Variants in OPHN1 observed in about 807,000 individuals in gnomAD.
OPHN1 encodes the protein oligophrenin 1.
In OPHN1, 11 loss-of-function variants were observed where a neutral mutation model predicts 60.7. That is an observed-to-expected ratio of 0.18 (90% confidence interval 0.11 to 0.30). The LOEUF (loss-of-function observed/expected upper bound fraction) is 0.30, where lower values mean the gene tolerates loss of function less well. Among genes scored for constraint, OPHN1 ranks in the 10% least tolerant of loss-of-function variants. The pLI is 1.00. For missense variants in OPHN1, 449 were observed against 611.0 expected (o/e 0.73, Z 2.80); for synonymous variants, 226 against 222.6 (o/e 1.02, Z -0.14).
At chrX:68,251,720 T>C (rs1326922702) in intron 5 of OPHN1, among the ~76,000 whole-genome samples, 1 of 111,243 alleles carries the variant, frequency 9.0e-6, no homozygotes, top group Non-Finnish European at 1.9e-5. Flanking sequence ...TAAAAAAGTG[T>C]CACAGTTAGG....
chrX:68,378,000 C>T (rs1319291388), intron 2 of OPHN1, among the ~76,000 whole-genome samples: 1 of 112,033 alleles, frequency 8.9e-6, no homozygotes, highest in Admixed American at 9.5e-5. Context: ...CCTGAGGAAT[C>T]ACCACACTGA....
At chrX:68,108,282 A>G (rs1364337895) in intron 18 of OPHN1, among the ~76,000 whole-genome samples, 2 of 111,715 alleles carry the variant, frequency 1.8e-5, no homozygotes, top group East Asian at 5.7e-4. Context: ...ACATGCAATC[A>G]GCCATTTCTC....
chrX:68,405,487 G>A (rs1006736076), intron 2 of OPHN1, among the ~76,000 whole-genome samples: 2 of 111,631 alleles, frequency 1.8e-5, no homozygotes, highest in East Asian at 2.8e-4. Flanking sequence ...TACCATGCCT[G>A]GCCCATTATA....
At chrX:68,120,927 A>G (rs1396640244) in intron 15 of OPHN1, among the ~76,000 whole-genome samples, 1 of 112,122 alleles carries the variant, frequency 8.9e-6, no homozygotes, top group Non-Finnish European at 1.9e-5. Flanking sequence ...GGTGCTGGAA[A>G]AACTGGATAT....
chrX:68,269,908 C>T (rs1246399229), intron 5 of OPHN1, among the ~76,000 whole-genome samples: 1 of 111,507 alleles, frequency 9.0e-6, no homozygotes, highest in African/African-American at 3.3e-5. Context: ...AACAAACAAC[C>T]CCATCAAAAA....
chrX:68,048,584 G>A, intron 23 of OPHN1, 127 bp from the exon 24 acceptor site: 2 of 563,064 alleles, frequency 3.6e-6, no homozygotes, highest in Non-Finnish European at 6.1e-6. Flanking sequence ...AAGTGATTCA[G>A]CCCAGATGTT....
chrX:68,340,137 C>T (rs2078344037), intron 2 of OPHN1, among the ~76,000 whole-genome samples: 1 of 112,150 alleles, frequency 8.9e-6, no homozygotes, highest in Non-Finnish European at 1.9e-5. Flanking sequence ...GAAATATTCC[C>T]TCAAATTGTT....
chrX:68,334,550 T>C (rs1419667662), intron 2 of OPHN1, among the ~76,000 whole-genome samples: 2 of 112,383 alleles, frequency 1.8e-5, no homozygotes, highest in African/African-American at 6.5e-5. Flanking sequence ...TCCATATAGT[T>C]AGACTTTGAT....
intron 19 of OPHN1, among the ~76,000 whole-genome samples, chrX:68,078,289 G>C (rs926121256): frequency 9.0e-6 from 1 of 110,799 alleles, no homozygotes; most frequent in East Asian, 2.8e-4. Flanking sequence ...AAGAATTATT[G>C]GCCCAAAATG....
chrX:68,232,336 C>T (rs1481633458), intron 6 of OPHN1, among the ~76,000 whole-genome samples: 1 of 111,631 alleles, frequency 9.0e-6, no homozygotes, highest in Non-Finnish European at 1.9e-5. Context: ...ACACAGCCGA[C>T]TGAGCAAAGA....
At chrX:68,356,290 G>T (rs1396036498) in intron 2 of OPHN1, among the ~76,000 whole-genome samples, 1 of 111,267 alleles carries the variant, frequency 9.0e-6, no homozygotes, top group Non-Finnish European at 1.9e-5. Context: ...AGCAAGAGGG[G>T]ATTCTCCAGC....
At chrX:68,106,188 TC>T (rs2077081230) in intron 18 of OPHN1, among the ~76,000 whole-genome samples, 1 of 104,276 alleles carries the variant, frequency 9.6e-6, no homozygotes, top group Admixed American at 1.0e-4. Flanking sequence ...AGAAAGCTTT[TC>T]CTTTTTTTTT....
At chrX:68,225,740 C>T (rs1011324641) in intron 6 of OPHN1, among the ~76,000 whole-genome samples, 3 of 111,657 alleles carry the variant, frequency 2.7e-5, no homozygotes, top group African/African-American at 9.8e-5. Context: ...TCATCAAAGA[C>T]CAAAGGTAGA....
At chrX:68,392,113 T>C (rs1429752217) in intron 2 of OPHN1, among the ~76,000 whole-genome samples, 4 of 111,719 alleles carry the variant, frequency 3.6e-5, no homozygotes, top group Admixed American at 9.6e-5. Flanking sequence ...GATCCACTTA[T>C]ATGAAGATTT....
At chrX:68,164,838 G>A (rs1048744065) in intron 15 of OPHN1, among the ~76,000 whole-genome samples, 5 of 112,116 alleles carry the variant, frequency 4.5e-5, no homozygotes, top group African/African-American at 1.3e-4. Flanking sequence ...TACTGTAGCC[G>A]CCTTTGTCAA....
At chrX:68,334,279 G>C (rs896767335) in intron 2 of OPHN1, among the ~76,000 whole-genome samples, 2 of 111,746 alleles carry the variant, frequency 1.8e-5, no homozygotes, top group Non-Finnish European at 3.8e-5. Flanking sequence ...TTTTAAAATA[G>C]AAAGATTAAA....
rs1466120265 is a variant in OPHN1 at position 68,298,650 on chromosome X, T to C, written c.250+351A>G. Among the ~76,000 whole-genome samples, 5 of 112,114 alleles carry C rather than the reference T, an allele frequency of 4.5e-5. No homozygotes were observed. In the South Asian group the frequency reaches 1.9e-3, roughly 42 times the overall value. On this transcript the variant is annotated intron_variant, in intron 3 of 24. Transcript: ENST00000355520. ...TTTAACACTTTCTAGGGAAATTTGA[T>C]TCCTTAGAAGAATCTAACTCCAACC...
At chrX:68,329,124 GC>G (rs2147672955) in intron 2 of OPHN1, among the ~76,000 whole-genome samples, 1 of 111,735 alleles carries the variant, frequency 8.9e-6, no homozygotes, top group Non-Finnish European at 1.9e-5. Flanking sequence ...CGCCATGTTG[GC>G]CAGGCTGGCC....
intron 6 of OPHN1, among the ~76,000 whole-genome samples, chrX:68,217,126 G>A (rs1193527688): frequency 3.6e-5 from 4 of 112,045 alleles, no homozygotes; most frequent in African/African-American, 6.5e-5. Context: ...GAAGCGCAAG[G>A]GGTCAGCGAG....
Sources: gnomAD v4.1 joint callset for allele counts (sites outside exome capture counted in the v4.1 genomes callset) on GRCh38, gnomAD v4.1.1 for gene constraint, MANE v1.5 for transcripts, NCBI Gene and HGNC (gene_info 2026-07-23, HGNC 2026-07-21) for gene names.